FOXP2: variants seen among roughly 807,000 people sequenced by gnomAD.
FOXP2 encodes forkhead box protein P2.
Under a neutral mutation model 115.8 loss-of-function variants are expected in FOXP2, and 12 were observed. The ratio of observed to expected loss-of-function variants is 0.10; its 90% CI spans 0.07 to 0.17. FOXP2 has a LOEUF of 0.17. FOXP2 is among the 10% of genes least tolerant of loss of function. FOXP2 has a pLI of 1.00. For synonymous variants in FOXP2, 328 were observed against 297.7 expected, an observed-to-expected ratio of 1.10 and a Z score of -1.05; for missense variants, 629 against 843.5, an observed-to-expected ratio of 0.75 and a Z score of 3.15.
At chr7:114,598,867 C>T (rs1410467805) in intron 3 of FOXP2, among the ~76,000 whole-genome samples, 2 of 152,078 alleles carry the variant, frequency 1.3e-5, no homozygotes, top group Non-Finnish European at 2.9e-5. Context: ...TAAAATAGAA[C>T]ATTTACCAGC....
chr7:114,117,243 A>G (rs1791434297), intron 1 of FOXP2, among the ~76,000 whole-genome samples: 1 of 150,736 alleles, frequency 6.6e-6, no homozygotes, highest in Admixed American at 6.6e-5. Flanking sequence ...TTTTTTTGAA[A>G]CAGAGTCTCA....
At chr7:114,132,701 G>GAAGGA (rs1173158305) in intron 1 of FOXP2, among the ~76,000 whole-genome samples, 1 of 151,726 alleles carries the variant, frequency 6.6e-6, no homozygotes, top group Non-Finnish European at 1.5e-5. Context: ...TAAAATCAGT[G>GAAGGA]AAGGAAAGGA....
intron 2 of FOXP2, among the ~76,000 whole-genome samples, chr7:114,449,717 A>T (rs187192546): frequency 7.2e-4 from 110 of 152,220 alleles, no homozygotes; most frequent in Non-Finnish European, 1.4e-3. Context: ...CCTAGGTTTA[A>T]TTGGTTATAA....
chr7:114,660,250 A>G (rs2129341247), intron 13 of FOXP2, among the ~76,000 whole-genome samples: 1 of 152,342 alleles, frequency 6.6e-6, no homozygotes, highest in South Asian at 2.1e-4. Context: ...CATTGTCTGA[A>G]TCTTACAAGG....
intron 1 of FOXP2, among the ~76,000 whole-genome samples, chr7:114,247,768 A>G (rs1795325806): frequency 6.6e-6 from 1 of 152,250 alleles, no homozygotes; most frequent in African/African-American, 2.4e-5. Flanking sequence ...TACCCAGCAC[A>G]TTAAGAAATG....
chr7:114,118,873 G>T (rs1791482680), intron 1 of FOXP2, among the ~76,000 whole-genome samples: 1 of 152,128 alleles, frequency 6.6e-6, no homozygotes, highest in South Asian at 2.1e-4. Context: ...GGAGAGAGGA[G>T]AGGCTTTCCA....
intron 6 of FOXP2, among the ~76,000 whole-genome samples, chr7:114,632,219 G>A (rs1317321760): frequency 6.6e-6 from 1 of 152,156 alleles, no homozygotes; most frequent in Non-Finnish European, 1.5e-5. Flanking sequence ...TATGTCACAG[G>A]ACATATCCAT....
chr7:114,154,578 T>G (rs1480005049), intron 1 of FOXP2, among the ~76,000 whole-genome samples: 1 of 152,092 alleles, frequency 6.6e-6, no homozygotes, highest in African/African-American at 2.4e-5. Flanking sequence ...AATATATAAG[T>G]GAAATGGTTA....
chr7:114,157,168 G>C (rs965156734), intron 1 of FOXP2, among the ~76,000 whole-genome samples: 2 of 151,982 alleles, frequency 1.3e-5, no homozygotes, highest in Non-Finnish European at 2.9e-5. Context: ...TCATAATAAA[G>C]TTACATTGTT....
At chr7:114,370,558 T>C (rs1791979482) in intron 2 of FOXP2, among the ~76,000 whole-genome samples, 1 of 152,180 alleles carries the variant, frequency 6.6e-6, no homozygotes, top group Non-Finnish European at 1.5e-5. Flanking sequence ...CATTACCAAT[T>C]TACCAGAACA....
chr7:114,284,897 G>T (rs1182726060), intron 1 of FOXP2, among the ~76,000 whole-genome samples: 1 of 152,124 alleles, frequency 6.6e-6, no homozygotes, highest in Non-Finnish European at 1.5e-5. Flanking sequence ...TGGAACTGGA[G>T]GCCATTATCC....
intron 2 of FOXP2, among the ~76,000 whole-genome samples, chr7:114,299,136 T>A (rs1040844784): frequency 6.6e-6 from 1 of 152,152 alleles, no homozygotes. Flanking sequence ...TTTGCAATCT[T>A]AAAAATATAC....
chr7:114,540,654 G>C (rs111988803), intron 3 of FOXP2, among the ~76,000 whole-genome samples: 2 of 152,038 alleles, frequency 1.3e-5, no homozygotes, highest in Non-Finnish European at 2.9e-5. Flanking sequence ...TAACAATTCA[G>C]GCTACAAGTG....
chr7:114,114,262 T>C (rs1266298977), intron 1 of FOXP2, among the ~76,000 whole-genome samples: 2 of 150,802 alleles, frequency 1.3e-5, no homozygotes, highest in African/African-American at 4.9e-5. Context: ...CATATATGTG[T>C]ATATACACAC....
At chr7:114,121,606 A>G (rs766336158) in intron 1 of FOXP2, among the ~76,000 whole-genome samples, 2 of 152,080 alleles carry the variant, frequency 1.3e-5, no homozygotes, top group Non-Finnish European at 1.5e-5. Flanking sequence ...TGAATAAACC[A>G]TGTCTGTACG....
At chr7:114,126,509 A>G (rs1357563483) in intron 1 of FOXP2, among the ~76,000 whole-genome samples, 1 of 152,168 alleles carries the variant, frequency 6.6e-6, no homozygotes, top group Non-Finnish European at 1.5e-5. Flanking sequence ...TGGGTTTATC[A>G]ACTAAAGCTA....
At chr7:114,097,270 T>C (rs1222399266) in intron 1 of FOXP2, among the ~76,000 whole-genome samples, 3 of 152,222 alleles carry the variant, frequency 2.0e-5, no homozygotes, top group African/African-American at 4.8e-5. Context: ...GATTTCTTCA[T>C]AGGGATTTTA....
At chr7:114,559,469 C>T (rs1800644380) in intron 3 of FOXP2, among the ~76,000 whole-genome samples, 1 of 152,142 alleles carries the variant, frequency 6.6e-6, no homozygotes, top group African/African-American at 2.4e-5. Context: ...CAATTAGTGC[C>T]AGCTATGATA....
intron 2 of FOXP2, among the ~76,000 whole-genome samples, chr7:114,364,720 T>C (rs1217822654): frequency 6.6e-6 from 1 of 152,164 alleles, no homozygotes. Context: ...AGTAGGCTCA[T>C]TTAGTTTTTG....
Sources: gnomAD v4.1 joint callset for allele counts (sites outside exome capture counted in the v4.1 genomes callset) on GRCh38, gnomAD v4.1.1 for gene constraint, MANE v1.5 for transcripts, NCBI Gene and HGNC (gene_info 2026-07-23, HGNC 2026-07-21) for gene names.